MYO18B: variants seen among roughly 807,000 people sequenced by gnomAD.
MYO18B encodes the protein unconventional myosin-XVIIIb.
A neutral mutation model predicts 273.0 loss-of-function variants in MYO18B; 204 were observed. The observed-to-expected ratio is 0.75, with a 90% CI of 0.67 to 0.84. MYO18B has a LOEUF of 0.84. Among genes scored for constraint, MYO18B ranks in the 40% least tolerant of loss-of-function variants. The probability of loss-of-function intolerance (pLI) is 0.00; values close to 1 mark genes in which losing one functional copy is unlikely to be tolerated. For missense variants in MYO18B, 3,212 were observed against 3,287.6 expected, an observed-to-expected ratio of 0.98 and a Z score of 0.56; for synonymous variants, 1,330 against 1,305.7, an observed-to-expected ratio of 1.02 and a Z score of -0.40.
At chr22:25,775,573 C>G (rs566753727) in intron 7 of MYO18B, among the ~76,000 whole-genome samples, 135 of 152,284 alleles carry the variant, frequency 8.9e-4, no homozygotes, top group African/African-American at 2.8e-3. Flanking sequence ...GCTGCCAAAT[C>G]CAATGTCAAG....
chr22:25,919,131 T>C (rs1350226385), intron 33 of MYO18B, among the ~76,000 whole-genome samples: 3 of 152,136 alleles, frequency 2.0e-5, no homozygotes, highest in East Asian at 3.8e-4. Context: ...CTTTGCTCAT[T>C]AAGTGCTTTC....
At chr22:25,931,785 C>A (rs2092506768) in intron 34 of MYO18B, among the ~76,000 whole-genome samples, 1 of 149,396 alleles carries the variant, frequency 6.7e-6, no homozygotes, top group South Asian at 2.1e-4. Flanking sequence ...CAGGCTCAAG[C>A]AATCCTCCCA....
rs957737230 is a variant in MYO18B at position 25,945,587 on chromosome 22, A to G, written c.5518-550A>G. On this transcript the variant is annotated intron_variant, in intron 34 of 43. Coordinates refer to ENST00000335473, the MANE Select transcript of MYO18B (RefSeq NM_032608.7). Reference sequence around the variant, plus strand: ...TGAGTTGATGAATAGTTGTGAAGACATGAGGGCCGCCTGTATATTAATCCC... The same window carrying G: ...TGAGTTGATGAATAGTTGTGAAGACGTGAGGGCCGCCTGTATATTAATCCC... Among the ~76,000 whole-genome samples the G allele has an allele frequency of 2.6e-5, 4 of 152,056 alleles. No individual in the cohort carries two copies. The South Asian group carries it at 6.2e-4, about 24-fold the overall frequency.
At chr22:25,753,426 A>C (rs886903387) in intron 1 of MYO18B, among the ~76,000 whole-genome samples, 20 of 152,138 alleles carry the variant, frequency 1.3e-4, no homozygotes, top group Non-Finnish European at 2.8e-4. Flanking sequence ...AAACGGACCA[A>C]TCAGCTCTCT....
intron 42 of MYO18B, among the ~76,000 whole-genome samples, chr22:26,012,069 G>T (rs762289863): frequency 2.6e-5 from 4 of 152,146 alleles, no homozygotes; most frequent in Non-Finnish European, 5.9e-5. Context: ...TTGGGATAAG[G>T]CTGGCTTGAA....
intron 17 of MYO18B, among the ~76,000 whole-genome samples, chr22:25,839,760 C>T (rs1278121255): frequency 2.0e-5 from 3 of 152,140 alleles, no homozygotes; most frequent in East Asian, 3.9e-4. Flanking sequence ...GCATCTCACT[C>T]AGATCCAAAA....
chr22:26,050,159 G>A, the MYO18B span, among the ~76,000 whole-genome samples: 19 of 152,310 alleles, frequency 1.2e-4, no homozygotes, highest in Admixed American at 5.2e-4. Flanking sequence ...CTGATGAGCC[G>A]TCATTAATTT....
chr22:25,937,380 A>T (rs538445646), intron 34 of MYO18B, among the ~76,000 whole-genome samples: 2 of 152,184 alleles, frequency 1.3e-5, no homozygotes, highest in South Asian at 2.1e-4. Flanking sequence ...CACCATGCCC[A>T]GCAGGGAAGT....
intron 40 of MYO18B, among the ~76,000 whole-genome samples, chr22:25,996,398 C>T (rs1199707964): frequency 6.6e-6 from 1 of 152,154 alleles, no homozygotes; most frequent in Non-Finnish European, 1.5e-5. Flanking sequence ...GTTATTCTCC[C>T]TCTTACAGAT....
intron 12 of MYO18B, among the ~76,000 whole-genome samples, chr22:25,821,213 G>T (rs1186941513): frequency 6.6e-6 from 1 of 151,928 alleles, no homozygotes; most frequent in South Asian, 2.1e-4. Flanking sequence ...TCATACAGTA[G>T]TTCTATCTAT....
chr22:25,986,898 A>G (rs1259565265), intron 39 of MYO18B, among the ~76,000 whole-genome samples: 2 of 152,186 alleles, frequency 1.3e-5, no homozygotes, highest in African/African-American at 2.4e-5. Context: ...GCATATATAC[A>G]TGTTTATATA....
intron 39 of MYO18B, among the ~76,000 whole-genome samples, chr22:25,978,018 A>G (rs1360633731): frequency 6.6e-6 from 1 of 152,186 alleles, no homozygotes; most frequent in African/African-American, 2.4e-5. Context: ...TTAGGGCAGG[A>G]AGAGTTTAAA....
chr22:25,910,690 C>G (rs1428382073), intron 32 of MYO18B, among the ~76,000 whole-genome samples: 1 of 152,122 alleles, frequency 6.6e-6, no homozygotes, highest in African/African-American at 2.4e-5. Context: ...CTACTGGGGA[C>G]CTGGGGGAGG....
At chr22:25,785,590 G>A in intron 11 of MYO18B, 99 bp downstream of exon 11, 1 of 1,294,800 alleles carries the variant, frequency 7.7e-7, no homozygotes, top group Middle Eastern at 1.9e-4. Context: ...TTGGTACTGG[G>A]GTTCATAGTT....
intron 34 of MYO18B, among the ~76,000 whole-genome samples, chr22:25,926,056 T>A (rs2092416623): frequency 6.6e-6 from 1 of 151,108 alleles, no homozygotes; most frequent in South Asian, 2.1e-4. Context: ...ATATAAAAAA[T>A]TAGCCAGATG....
intron 15 of MYO18B, among the ~76,000 whole-genome samples, chr22:25,829,811 C>G (rs1253852988): frequency 6.6e-6 from 1 of 151,712 alleles, no homozygotes; most frequent in African/African-American, 2.4e-5. Context: ...GCACTCCAGC[C>G]TGGGTGACAA....
chr22:26,054,018 G>T, the MYO18B span, among the ~76,000 whole-genome samples: 11 of 152,164 alleles, frequency 7.2e-5, no homozygotes, highest in African/African-American at 2.7e-4. Flanking sequence ...ATGATAATGG[G>T]TGAACTCGGG....
chr22:25,888,670 G>C (rs1331454412), intron 25 of MYO18B, among the ~76,000 whole-genome samples: 1 of 152,142 alleles, frequency 6.6e-6, no homozygotes. Flanking sequence ...AGACAACCAG[G>C]AACACCCTAG....
At chr22:25,869,974 T>C (rs778937307) in intron 22 of MYO18B, among the ~76,000 whole-genome samples, 1 of 152,238 alleles carries the variant, frequency 6.6e-6, no homozygotes, top group African/African-American at 2.4e-5. Flanking sequence ...CCACGCACTA[T>C]GTGAGGCAAC....
Sources: gnomAD v4.1 joint callset for allele counts (sites outside exome capture counted in the v4.1 genomes callset) on GRCh38, gnomAD v4.1.1 for gene constraint, MANE v1.5 for transcripts, NCBI Gene and HGNC (gene_info 2026-07-23, HGNC 2026-07-21) for gene names.